The following STAC variants were observed in gnomAD, a reference collection of about 807,000 sequenced individuals.
STAC encodes the protein SH3 and cysteine rich domain.
In STAC, 43 loss-of-function variants were observed where a neutral mutation model predicts 48.8. The ratio of observed to expected loss-of-function variants is 0.88; its 90% confidence interval spans 0.69 to 1.14. The LOEUF (loss-of-function observed/expected upper bound fraction) is 1.14, where lower values mean the gene tolerates loss of function less well. Among genes scored for constraint, STAC ranks in the 50% most tolerant of loss-of-function variants. The pLI is 0.00. For synonymous variants in STAC, 193 were observed against 179.5 expected (o/e 1.07, Z -0.60); for missense variants, 497 against 504.0 (o/e 0.99, Z 0.13).
chr3:36,418,410 G>GC (rs1441682135), intron 1 of STAC, among the ~76,000 whole-genome samples: 1 of 152,130 alleles, frequency 6.6e-6, no homozygotes, highest in Non-Finnish European at 1.5e-5. Flanking sequence ...TTAATTTCCA[G>GC]TTGTTTAGGT....
At chr3:36,458,034 A>G (rs1430434841) in intron 2 of STAC, among the ~76,000 whole-genome samples, 3 of 152,198 alleles carry the variant, frequency 2.0e-5, no homozygotes, top group Non-Finnish European at 4.4e-5. Context: ...AAGCTAAGAC[A>G]GGGTTGGAAA....
At chr3:36,462,306 T>C (rs555757671) in intron 2 of STAC, among the ~76,000 whole-genome samples, 50 of 152,210 alleles carry the variant, frequency 3.3e-4, no homozygotes, top group African/African-American at 1.2e-3. Context: ...GAAAATTCAG[T>C]GTTAGTCACG....
intron 2 of STAC, among the ~76,000 whole-genome samples, chr3:36,474,435 C>T (rs1453133642): frequency 6.6e-6 from 1 of 152,186 alleles, no homozygotes; most frequent in Non-Finnish European, 1.5e-5. Flanking sequence ...GAGAGACCCA[C>T]AGATGCCCTT....
chr3:36,533,303 A>T (rs915107937), intron 10 of STAC, among the ~76,000 whole-genome samples: 3 of 152,164 alleles, frequency 2.0e-5, no homozygotes, highest in Admixed American at 6.5e-5. Flanking sequence ...CAACTCGCAA[A>T]GCAAATGGGC....
chr3:36,408,542 A>T (rs971918810), intron 1 of STAC, among the ~76,000 whole-genome samples: 1 of 152,222 alleles, frequency 6.6e-6, no homozygotes, highest in Non-Finnish European at 1.5e-5. Flanking sequence ...TGGTTTAAGC[A>T]ATCATGGTTG....
intron 10 of STAC, among the ~76,000 whole-genome samples, chr3:36,542,230 T>A (rs1559531887): frequency 1.3e-5 from 2 of 152,174 alleles, no homozygotes; most frequent in Non-Finnish European, 2.9e-5. Flanking sequence ...GAGCCCTGAT[T>A]TTGTTCTGTT....
At chr3:36,482,806 A>G (rs1343609778) in intron 2 of STAC, among the ~76,000 whole-genome samples, 186 bp from the exon 3 acceptor site, 1 of 152,206 alleles carries the variant, frequency 6.6e-6, no homozygotes, top group Non-Finnish European at 1.5e-5. Context: ...CAGAGTGTAT[A>G]CCTTAGGTAG....
chr3:36,399,854 T>C (rs1699965866), intron 1 of STAC, among the ~76,000 whole-genome samples: 2 of 152,220 alleles, frequency 1.3e-5, no homozygotes, highest in Admixed American at 1.3e-4. Flanking sequence ...ACCTGGATTG[T>C]GCCTCAAGGT....
chr3:36,504,231 G>T (rs1698345095), intron 6 of STAC, among the ~76,000 whole-genome samples, 162 bp from the exon 7 acceptor site: 1 of 152,214 alleles, frequency 6.6e-6, no homozygotes, highest in Admixed American at 6.5e-5. Context: ...GAAGAGACAT[G>T]TGGAAGACCA....
chr3:36,419,113 A>G (rs965337084), intron 1 of STAC, among the ~76,000 whole-genome samples: 4 of 152,102 alleles, frequency 2.6e-5, no homozygotes, highest in Non-Finnish European at 4.4e-5. Context: ...GCACAATAAC[A>G]TAATTGTTTA....
At chr3:36,535,796 C>A (rs909908944) in intron 10 of STAC, among the ~76,000 whole-genome samples, 2 of 152,158 alleles carry the variant, frequency 1.3e-5, no homozygotes, top group Non-Finnish European at 2.9e-5. Flanking sequence ...GTTGAACCAG[C>A]CTTGCATCCC....
intron 1 of STAC, among the ~76,000 whole-genome samples, chr3:36,416,391 T>C (rs1700319953): frequency 6.6e-6 from 1 of 152,222 alleles, no homozygotes; most frequent in African/African-American, 2.4e-5. Flanking sequence ...GAGGATTGCT[T>C]GAGCCCATGA....
chr3:36,454,984 T>C (rs2125678903), intron 2 of STAC, among the ~76,000 whole-genome samples: 1 of 152,272 alleles, frequency 6.6e-6, no homozygotes, highest in South Asian at 2.1e-4. Flanking sequence ...AAGAGACTTG[T>C]ATTGTAGGAG....
At chr3:36,529,021 C>A (rs999010050) in intron 10 of STAC, 36 bp downstream of exon 10, 1 of 1,543,722 alleles carries the variant, frequency 6.5e-7, no homozygotes. Flanking sequence ...CAGATATGAG[C>A]CAAATAGGGT....
chr3:36,476,672 GT>G (rs1575226347), intron 2 of STAC, among the ~76,000 whole-genome samples: 1 of 152,148 alleles, frequency 6.6e-6, no homozygotes. Flanking sequence ...TATTAGGCCT[GT>G]TTTTATTGTC....
intron 8 of STAC, among the ~76,000 whole-genome samples, chr3:36,526,681 A>T (rs1311045152): frequency 1.3e-5 from 2 of 152,018 alleles, no homozygotes; most frequent in Non-Finnish European, 2.9e-5. Context: ...ATAATGAACA[A>T]TTGGCAGCAA....
intron 2 of STAC, among the ~76,000 whole-genome samples, chr3:36,469,145 A>G (rs1297842251): frequency 6.6e-6 from 1 of 151,334 alleles, no homozygotes; most frequent in African/African-American, 2.5e-5. Flanking sequence ...TTGTTGACTG[A>G]ATACCTTTTT....
intron 10 of STAC, among the ~76,000 whole-genome samples, chr3:36,530,376 A>C (rs1206236638): frequency 6.6e-6 from 1 of 152,154 alleles, no homozygotes; most frequent in Non-Finnish European, 1.5e-5. Flanking sequence ...ACACATCTTG[A>C]ATGCCTTTTT....
At chr3:36,527,532 A>T (rs565956591) in intron 8 of STAC, among the ~76,000 whole-genome samples, 16 of 152,328 alleles carry the variant, frequency 1.1e-4, no homozygotes, top group African/African-American at 3.8e-4. Flanking sequence ...GGAAAATAAA[A>T]TTGAGAAAAA....
Sources: gnomAD v4.1 joint callset for allele counts (sites outside exome capture counted in the v4.1 genomes callset) on GRCh38, gnomAD v4.1.1 for gene constraint, MANE v1.5 for transcripts, NCBI Gene and HGNC (gene_info 2026-07-23, HGNC 2026-07-21) for gene names.